The following MSRA variants were observed in gnomAD, a reference collection of about 807,000 sequenced individuals.
The protein encoded by MSRA is methionine sulfoxide reductase A.
A neutral mutation model predicts 31.3 loss-of-function variants in MSRA; 54 were observed. That is an observed-to-expected ratio of 1.73 (90% confidence interval 1.39 to 2.17). MSRA has a LOEUF of 2.17. Ranked by LOEUF, MSRA falls within the 30% of genes most tolerant of loss-of-function variation. The probability of loss-of-function intolerance (pLI) is 0.00; values close to 1 mark genes in which losing one functional copy is unlikely to be tolerated. For missense variants in MSRA, 507 were observed against 300.9 expected (o/e 1.69, Z -5.07); for synonymous variants, 169 against 116.5 (o/e 1.45, Z -2.90).
chr8:10,295,348 G>C (rs899820237), intron 3 of MSRA, among the ~76,000 whole-genome samples: 12 of 152,092 alleles, frequency 7.9e-5, no homozygotes, highest in African/African-American at 2.7e-4. Flanking sequence ...CCCATTTCTT[G>C]TCCCCACGAA....
intron 1 of MSRA, among the ~76,000 whole-genome samples, chr8:10,168,223 G>A (rs142726609): frequency 1.4e-3 from 212 of 152,282 alleles, no homozygotes; most frequent in Middle Eastern, 0.01. Flanking sequence ...ACAGCATCAG[G>A]CACATACATG....
At chr8:10,243,400 A>G (rs1009534199) in intron 2 of MSRA, among the ~76,000 whole-genome samples, 2 of 152,144 alleles carry the variant, frequency 1.3e-5, no homozygotes, top group African/African-American at 4.8e-5. Flanking sequence ...ATCCCAAGGA[A>G]TGCAACAAAG....
At chr8:10,312,907 G>A (rs1801510887) in intron 4 of MSRA, among the ~76,000 whole-genome samples, 1 of 152,172 alleles carries the variant, frequency 6.6e-6, no homozygotes, top group Non-Finnish European at 1.5e-5. Flanking sequence ...AGGAGTACAT[G>A]CAAAAGCCTA....
chr8:10,395,937 T>C (rs1433019661), intron 5 of MSRA, among the ~76,000 whole-genome samples: 1 of 152,184 alleles, frequency 6.6e-6, no homozygotes. Context: ...TTTCTACCAA[T>C]CTTTGCACGG....
chr8:10,117,945 A>C (rs576468660), intron 1 of MSRA, among the ~76,000 whole-genome samples: 112 of 152,354 alleles, frequency 7.4e-4, no homozygotes, highest in Non-Finnish European at 1.0e-3. Context: ...GAGATGCTGA[A>C]GGTAGAACAT....
At chr8:10,201,992 G>C (rs28523656) in intron 1 of MSRA, among the ~76,000 whole-genome samples, 17,162 of 152,218 alleles carry the variant, frequency 0.11, 1,859 homozygotes, top group African/African-American at 0.28. Context: ...CTGGGTAACA[G>C]ATGTCCCTGT....
chr8:10,301,182 G>T (rs140637851), intron 3 of MSRA, among the ~76,000 whole-genome samples: 9 of 152,276 alleles, frequency 5.9e-5, no homozygotes, highest in African/African-American at 2.2e-4. Context: ...CTTTCCCTTT[G>T]CAGAGTTTCA....
intron 4 of MSRA, among the ~76,000 whole-genome samples, chr8:10,309,358 C>T (rs910119806): frequency 2.0e-5 from 3 of 152,356 alleles, no homozygotes; most frequent in East Asian, 3.9e-4. Context: ...GCGGAATAAG[C>T]GCTGGCTCTA....
intron 5 of MSRA, chr8:10,320,249 C>G (rs569612116): frequency 5.9e-4 from 158 of 268,718 alleles, no homozygotes; most frequent in African/African-American, 3.3e-3. Context: ...CAGAAGGATA[C>G]TTGAGGCCAG....
At chr8:10,230,317 G>C (rs1259204624) in intron 2 of MSRA, among the ~76,000 whole-genome samples, 1 of 152,220 alleles carries the variant, frequency 6.6e-6, no homozygotes, top group Non-Finnish European at 1.5e-5. Flanking sequence ...AAGGGAGAAG[G>C]TTATACCGGA....
chr8:10,102,011 T>C (rs1191990182), intron 1 of MSRA, among the ~76,000 whole-genome samples: 1 of 152,200 alleles, frequency 6.6e-6, no homozygotes, highest in African/African-American at 2.4e-5. Context: ...GTCATTTGAA[T>C]TGTTTTGCCC....
chr8:10,322,474 C>T (rs368453906), intron 5 of MSRA, among the ~76,000 whole-genome samples: 2 of 152,120 alleles, frequency 1.3e-5, no homozygotes, highest in African/African-American at 2.4e-5. Flanking sequence ...AGGTCCAGGT[C>T]ATGGCTGGTG....
At chr8:10,116,023 C>A (rs950835538) in intron 1 of MSRA, among the ~76,000 whole-genome samples, 2 of 152,208 alleles carry the variant, frequency 1.3e-5, no homozygotes, top group African/African-American at 4.8e-5. Context: ...GATGTGAGAT[C>A]GTGGCTGGAA....
chr8:10,249,092 C>A (rs1797781326), intron 3 of MSRA, among the ~76,000 whole-genome samples: 1 of 152,154 alleles, frequency 6.6e-6, no homozygotes, highest in African/African-American at 2.4e-5. Context: ...GTGTTCTGGG[C>A]AGACCCACAG....
chr8:10,284,391 A>C (rs1457551333), intron 3 of MSRA, among the ~76,000 whole-genome samples: 1 of 151,956 alleles, frequency 6.6e-6, no homozygotes, highest in Non-Finnish European at 1.5e-5. Flanking sequence ...CTGGGGTTTC[A>C]CCATGTTAGC....
At chr8:10,290,994 G>T (rs1051554583) in intron 3 of MSRA, among the ~76,000 whole-genome samples, 2 of 152,096 alleles carry the variant, frequency 1.3e-5, no homozygotes, top group African/African-American at 4.8e-5. Flanking sequence ...CAGCTCAAAG[G>T]GTTAGCATTG....
In MSRA at chr8:10,301,658, A is replaced by G; in HGVS notation, c.436+20A>G. 2 of 1,578,504 alleles carry G rather than the reference A, an allele frequency of 1.3e-6. No individual in the cohort carries two copies. The highest frequency in any genetic ancestry group is 1.7e-6 in the Non-Finnish European group (2 of 1,150,560). ...CCCAAGGTAGAGTGATGAGTGAGCC[A>G]GTATTTAATTATCTTACTAATTACA... On this transcript the variant is annotated intron_variant, in intron 4 of 5. Coordinates refer to ENST00000317173, the MANE Select transcript of MSRA (RefSeq NM_012331.5).
chr8:10,360,730 G>T (rs560420839), intron 5 of MSRA, among the ~76,000 whole-genome samples: 1 of 152,206 alleles, frequency 6.6e-6, no homozygotes, highest in South Asian at 2.1e-4. Flanking sequence ...AGTTTATTTG[G>T]AAGATATTCA....
intron 4 of MSRA, among the ~76,000 whole-genome samples, chr8:10,310,123 C>G (rs968212286): frequency 3.3e-5 from 5 of 152,190 alleles, no homozygotes; most frequent in African/African-American, 7.2e-5. Flanking sequence ...TTTTGAAGGA[C>G]TATCCTTTTT....
Sources: allele counts gnomAD v4.1 joint callset (sites outside exome capture counted in the v4.1 genomes callset), GRCh38; gene constraint gnomAD v4.1.1; transcripts MANE v1.5; gene names NCBI Gene and HGNC (gene_info 2026-07-23, HGNC 2026-07-21).